CSMD3: variants seen among roughly 807,000 people sequenced by gnomAD.
CSMD3 encodes the protein CUB and Sushi multiple domains 3.
CSMD3 carries 177 observed loss-of-function variants against 435.2 expected under a neutral mutation model. The ratio of observed to expected loss-of-function variants is 0.41; its 90% CI spans 0.36 to 0.46. The LOEUF (loss-of-function observed/expected upper bound fraction) is 0.46. Ranked by LOEUF, CSMD3 falls within the 20% of genes least tolerant of loss-of-function variation. The pLI is 0.34. For missense variants in CSMD3, 4,265 were observed against 4,504.6 expected, an observed-to-expected ratio of 0.95 and a Z score of 1.52; for synonymous variants, 1,656 against 1,520.5, an observed-to-expected ratio of 1.09 and a Z score of -2.07.
chr8:113,245,546 C>T (rs905732811), intron 3 of CSMD3, among the ~76,000 whole-genome samples: 1 of 151,884 alleles, frequency 6.6e-6, no homozygotes, highest in Non-Finnish European at 1.5e-5. Flanking sequence ...TTCTCCAACC[C>T]CCTTTCTGCT....
chr8:112,765,903 G>A (rs1165070259), intron 13 of CSMD3, among the ~76,000 whole-genome samples: 1 of 151,660 alleles, frequency 6.6e-6, no homozygotes, highest in Admixed American at 6.6e-5. Context: ...GTAATTAGTG[G>A]AGAGACTAGA....
intron 11 of CSMD3, among the ~76,000 whole-genome samples, chr8:112,855,776 GAT>G (rs1342454997): frequency 6.7e-6 from 1 of 149,298 alleles, no homozygotes; most frequent in Non-Finnish European, 1.5e-5. Context: ...TGGTTAATAG[GAT>G]ATGATTCCCT....
intron 61 of CSMD3, among the ~76,000 whole-genome samples, chr8:112,256,820 T>G (rs1238559581): frequency 6.6e-6 from 1 of 152,150 alleles, no homozygotes; most frequent in Non-Finnish European, 1.5e-5. Flanking sequence ...AATGTTGCCT[T>G]AGGAGGATTA....
Position 113,117,373 on chromosome 8 carries a change from G to T in CSMD3, c.710-18410C>A, listed in dbSNP as rs550781203. Among the ~76,000 whole-genome samples, 8 of 152,334 alleles carry T rather than the reference G, an allele frequency of 5.3e-5. No individual in the cohort carries two copies. In the South Asian group the frequency reaches 1.7e-3, roughly 32 times the overall value. ...GTGGTATTGAGCCTGAGGGTACACAGAAGTCAAGAATTGAGGTTTGGGAAC... is the reference window on the plus strand; with the variant it reads ...GTGGTATTGAGCCTGAGGGTACACATAAGTCAAGAATTGAGGTTTGGGAAC... On this transcript the variant is annotated intron_variant, in intron 4 of 70. Transcript: ENST00000297405.
chr8:112,770,123 C>T (rs1476200292), intron 13 of CSMD3, among the ~76,000 whole-genome samples: 2 of 151,882 alleles, frequency 1.3e-5, no homozygotes, highest in East Asian at 1.9e-4. Context: ...ATTTCAAGTA[C>T]ATGAAAAATT....
At chr8:112,806,414 G>C (rs2079086697) in intron 12 of CSMD3, among the ~76,000 whole-genome samples, 1 of 152,144 alleles carries the variant, frequency 6.6e-6, no homozygotes, top group Non-Finnish European at 1.5e-5. Context: ...TGTGGAAGTA[G>C]CATATAAACT....
At chr8:112,939,413 A>T (rs1217475218) in intron 9 of CSMD3, among the ~76,000 whole-genome samples, 1 of 152,066 alleles carries the variant, frequency 6.6e-6, no homozygotes, top group East Asian at 1.9e-4. Context: ...CAAGTTCATG[A>T]GTCTGAGATA....
chr8:112,456,417 G>T (rs573399788), intron 32 of CSMD3, among the ~76,000 whole-genome samples: 5 of 152,016 alleles, frequency 3.3e-5, no homozygotes, highest in Admixed American at 6.6e-5. Flanking sequence ...AATAAGCACT[G>T]AGTAGAAATA....
rs1242220184 is a variant in CSMD3, at chr8:112,517,208, A to G, written c.4582T>C (p.Cys1528Arg). The change falls in exon 28 of 71, where the codon TGT (cysteine) becomes CGT (arginine). Residue 1528 changes from cysteine (C) to arginine (R), a missense_variant. This residue lies in a region of CSMD3 where 3,255 missense variants were observed against 3,380.2 expected (regional missense o/e 0.96). Coordinates refer to ENST00000297405, the MANE Select transcript of CSMD3 (RefSeq NM_198123.2). ...IQFSSSVATA[C>R]RDPGVPMNGT... ...TTCATGGGGACCCCTGGGTCACGAC[A>G]CGCAGTGGCAACAGAACCTATCAAA... 1 of 1,613,460 alleles carries G rather than the reference A, an allele frequency of 6.2e-7. No individual in the cohort carries two copies. The highest frequency in any genetic ancestry group is 8.5e-7 in the Non-Finnish European group (1 of 1,179,768).
chr8:112,562,575 C>T (rs971652313), intron 24 of CSMD3, among the ~76,000 whole-genome samples: 3 of 150,556 alleles, frequency 2.0e-5, no homozygotes, highest in Non-Finnish European at 3.0e-5. Flanking sequence ...ATATGCTTGC[C>T]AAAACCATAT....
chr8:113,154,587 C>A (rs1304694648), intron 4 of CSMD3, among the ~76,000 whole-genome samples: 1 of 151,928 alleles, frequency 6.6e-6, no homozygotes, highest in African/African-American at 2.4e-5. Flanking sequence ...TAAATAAACT[C>A]TTGTATTCAG....
intron 13 of CSMD3, among the ~76,000 whole-genome samples, chr8:112,760,944 GA>G (rs1358712720): frequency 6.6e-6 from 1 of 152,128 alleles, no homozygotes; most frequent in African/African-American, 2.4e-5. Flanking sequence ...CCTTGGAGAA[GA>G]TGTGATTATT....
chr8:113,270,831 G>A lies in CSMD3; in HGVS notation c.514+7761C>T, dbSNP rs557804805. On this transcript the variant is annotated intron_variant, in intron 3 of 70. Coordinates refer to ENST00000297405, the MANE Select transcript of CSMD3 (RefSeq NM_198123.2). ...CACGCACCGGGGCCTGTTGTGGGGT[G>A]GGAGGAGGGGGGAGGGATAGCATTA... Among the ~76,000 whole-genome samples, 4 of 152,030 alleles carry A rather than the reference G, an allele frequency of 2.6e-5. No individual in the cohort carries two copies. The South Asian group carries it at 8.3e-4, about 32-fold the overall frequency.
intron 7 of CSMD3, among the ~76,000 whole-genome samples, chr8:112,956,706 G>A (rs1485152118): frequency 6.6e-6 from 1 of 152,042 alleles, no homozygotes; most frequent in Non-Finnish European, 1.5e-5. Context: ...ATATTGGGGG[G>A]CAGTGGCAGT....
intron 3 of CSMD3, among the ~76,000 whole-genome samples, chr8:113,202,571 A>C (rs538253405): frequency 6.6e-6 from 1 of 152,218 alleles, no homozygotes; most frequent in South Asian, 2.1e-4. Context: ...GCTTTCTTTG[A>C]TATTTCCTTT....
At chr8:112,314,757 T>C (rs1164300879) in intron 47 of CSMD3, 140 bp from the exon 48 acceptor site, 3 of 693,624 alleles carry the variant, frequency 4.3e-6, no homozygotes, top group Non-Finnish European at 7.6e-6. Context: ...AAGAGACAAG[T>C]TGTATTAAAC....
chr8:113,376,882 C>G, intron 1 of CSMD3: 1 of 1,607,742 alleles, frequency 6.2e-7, no homozygotes, highest in Middle Eastern at 1.7e-4. Context: ...GAAGATGAAG[C>G]TTCCTGGCCG....
chr8:112,484,653 G>T (rs1819945228), intron 31 of CSMD3, among the ~76,000 whole-genome samples: 1 of 152,034 alleles, frequency 6.6e-6, no homozygotes, highest in South Asian at 2.1e-4. Flanking sequence ...TCCATCTGGA[G>T]ATATGGTTTA....
At chr8:112,964,327 T>C (rs1318120940) in intron 7 of CSMD3, among the ~76,000 whole-genome samples, 1 of 151,956 alleles carries the variant, frequency 6.6e-6, no homozygotes, top group Non-Finnish European at 1.5e-5. Flanking sequence ...TAGTGTATCC[T>C]ATCCTAATTT....
Sources: gnomAD v4.1 joint callset for allele counts (sites outside exome capture counted in the v4.1 genomes callset) on GRCh38, gnomAD v4.1.1 for gene constraint, gnomAD v4.1.1 regional missense constraint, MANE v1.5 for transcripts, NCBI Gene and HGNC (gene_info 2026-07-23, HGNC 2026-07-21) for gene names.